NEGR1: variants seen among roughly 807,000 people sequenced by gnomAD.
NEGR1 encodes neuronal growth regulator 1.
In NEGR1, 10 loss-of-function variants were observed where a neutral mutation model predicts 40.9. That is an observed-to-expected ratio of 0.24 (90% confidence interval 0.15 to 0.42). The LOEUF (loss-of-function observed/expected upper bound fraction) is 0.42. NEGR1 is among the 10% of genes least tolerant of loss of function. The probability of loss-of-function intolerance (pLI) is 1.00; values close to 1 mark genes in which losing one functional copy is unlikely to be tolerated. For missense variants in NEGR1, 352 were observed against 438.9 expected (o/e 0.80, Z 1.77); for synonymous variants, 185 against 166.8 (o/e 1.11, Z -0.84).
At chr1:72,219,902 A>G (rs1274229849) in intron 1 of NEGR1, among the ~76,000 whole-genome samples, 1 of 152,102 alleles carries the variant, frequency 6.6e-6, no homozygotes, top group Non-Finnish European at 1.5e-5. Flanking sequence ...AATAGAAAAT[A>G]ATATTAATGG....
intron 1 of NEGR1, among the ~76,000 whole-genome samples, chr1:72,111,093 C>T (rs1005187071): frequency 3.3e-5 from 5 of 150,876 alleles, no homozygotes; most frequent in East Asian, 2.0e-4. Context: ...TATACACACA[C>T]ACACACACAC....
chr1:71,608,979 T>C (rs920338757), intron 5 of NEGR1, among the ~76,000 whole-genome samples: 13 of 152,118 alleles, frequency 8.5e-5, no homozygotes, highest in African/African-American at 3.1e-4. Context: ...TATCAAAATC[T>C]GAGAAAGGCT....
intron 6 of NEGR1, among the ~76,000 whole-genome samples, chr1:71,519,806 G>T (rs1240682770): frequency 6.6e-6 from 1 of 151,200 alleles, no homozygotes; most frequent in Non-Finnish European, 1.5e-5. Context: ...GCACACTGAA[G>T]TCTTAGGCAG....
chr1:71,565,603 C>G (rs1648594335), intron 6 of NEGR1, among the ~76,000 whole-genome samples: 1 of 152,112 alleles, frequency 6.6e-6, no homozygotes, highest in African/African-American at 2.4e-5. Flanking sequence ...CAGAGAGTGC[C>G]AGCTGACTCT....
In NEGR1 at chr1:71,850,133, CTTTT is replaced by C. The variant is rs532348674; in HGVS notation, c.410-73840_410-73837del. Among the ~76,000 whole-genome samples the C allele has an allele frequency of 3.2e-3, 482 of 149,504 alleles. 5 individuals are homozygous for C. The highest frequency in any genetic ancestry group is 0.011 in the African/African-American group (447 of 40,762). On this transcript the variant is annotated intron_variant, in intron 2 of 6. Transcript: ENST00000357731. Reference sequence around the variant, plus strand: ...GTTAAGAACATTTATAATCTACTGTCTTTTTTTGTTTGTTTGTTTGTTTGTTTGT... The same window carrying C: ...GTTAAGAACATTTATAATCTACTGTCTTTGTTTGTTTGTTTGTTTGTTTGT...
rs200459754 is a variant in NEGR1 at position 72,222,430 on chromosome 1, G to GAC, written c.176+59887_176+59888dup. Among the ~76,000 whole-genome samples the GAC allele has an allele frequency of 5.2e-3, 793 of 152,222 alleles. 6 individuals carry two copies. Among genetic ancestry groups the GAC allele is most frequent in the African/African-American group, 0.017 (719 of 41,558 alleles). On this transcript the variant is annotated intron_variant, in intron 1 of 6. Coordinates refer to ENST00000357731, the MANE Select transcript of NEGR1 (RefSeq NM_173808.3). ...AAATCTCTACTTCTTCAGATGCATG[G>GAC]ACACCAACAGCTAGTCACAAAGATT...
At chr1:71,471,473 C>G (rs1461436905) in intron 6 of NEGR1, among the ~76,000 whole-genome samples, 1 of 151,966 alleles carries the variant, frequency 6.6e-6, no homozygotes, top group African/African-American at 2.4e-5. Context: ...TGGTGAAACC[C>G]CATCTCTACT....
chr1:71,783,882 C>T (rs1229533778), intron 2 of NEGR1, among the ~76,000 whole-genome samples: 2 of 146,146 alleles, frequency 1.4e-5, no homozygotes, highest in Non-Finnish European at 3.1e-5. Context: ...ATCCAATAGA[C>T]ATTTATTAAG....
chr1:72,173,825 C>A (rs1166906511), intron 1 of NEGR1, among the ~76,000 whole-genome samples: 2 of 152,056 alleles, frequency 1.3e-5, no homozygotes, highest in Non-Finnish European at 2.9e-5. Context: ...CACCTGTCAT[C>A]CCAGCTACTC....
Position 71,853,177 on chromosome 1 carries a change from C to T in NEGR1, c.410-76880G>A, listed in dbSNP as rs546657945. 8.5e-5 allele frequency among the ~76,000 whole-genome samples: 13 copies of T among 152,062 alleles called. No homozygotes were observed. The South Asian group carries it at 1.4e-3, about 17-fold the overall frequency. ...TTCAGAGCTTGGTAAAGAGTATGCC[C>T]TCAGTGTTTATTGAATTAAATTACA... On this transcript the variant is annotated intron_variant, in intron 2 of 6. Coordinates refer to ENST00000357731, the MANE Select transcript of NEGR1 (RefSeq NM_173808.3).
At chr1:72,170,500 T>C (rs1230931811) in intron 1 of NEGR1, among the ~76,000 whole-genome samples, 1 of 152,174 alleles carries the variant, frequency 6.6e-6, no homozygotes, top group Non-Finnish European at 1.5e-5. Context: ...AAATGGAATC[T>C]GGAATGAGCA....
intron 1 of NEGR1, among the ~76,000 whole-genome samples, chr1:71,941,016 A>C (rs1034149975): frequency 1.3e-5 from 2 of 152,112 alleles, no homozygotes; most frequent in African/African-American, 4.8e-5. Context: ...GCTCCTATTA[A>C]AGGCACCAAT....
At chr1:71,748,882 A>C (rs1458342345) in intron 3 of NEGR1, among the ~76,000 whole-genome samples, 2 of 152,176 alleles carry the variant, frequency 1.3e-5, no homozygotes, top group East Asian at 3.8e-4. Flanking sequence ...GGAACAAAAA[A>C]AAATTAGAGA....
chr1:71,433,423 A>G (rs528864001), intron 6 of NEGR1, among the ~76,000 whole-genome samples: 10 of 152,350 alleles, frequency 6.6e-5, no homozygotes, highest in African/African-American at 2.4e-4. Flanking sequence ...CCAATAAAGA[A>G]GTATGATTCC....
At chr1:71,984,279 A>C (rs1363414549) in intron 1 of NEGR1, among the ~76,000 whole-genome samples, 1 of 118,634 alleles carries the variant, frequency 8.4e-6, no homozygotes. Context: ...TTCTGTTAAA[A>C]TAACTTTTTT....
At chr1:71,674,567 G>T (rs960110008) in intron 4 of NEGR1, among the ~76,000 whole-genome samples, 1 of 144,476 alleles carries the variant, frequency 6.9e-6, no homozygotes, top group Non-Finnish European at 1.5e-5. Context: ...GAAATACTCT[G>T]CAGGCTTTTG....
chr1:71,785,445 T>G (rs968133122), intron 2 of NEGR1, among the ~76,000 whole-genome samples: 1 of 149,752 alleles, frequency 6.7e-6, no homozygotes, highest in Non-Finnish European at 1.5e-5. Context: ...TAATGAGGTT[T>G]TTTTTTTTCC....
At chr1:72,115,502 C>T (rs146486181) in intron 1 of NEGR1, among the ~76,000 whole-genome samples, 2 of 151,654 alleles carry the variant, frequency 1.3e-5, no homozygotes, top group Non-Finnish European at 3.0e-5. Context: ...AACACTAGTG[C>T]CAGTGATTCA....
intron 1 of NEGR1, among the ~76,000 whole-genome samples, chr1:72,129,646 G>C (rs1280386594): frequency 6.6e-6 from 1 of 152,296 alleles, no homozygotes; most frequent in East Asian, 1.9e-4. Flanking sequence ...CAAGTAGGGA[G>C]ATGTTTAGGG....
Sources: gnomAD v4.1 joint callset for allele counts (sites outside exome capture counted in the v4.1 genomes callset) on GRCh38, gnomAD v4.1.1 for gene constraint, MANE v1.5 for transcripts, NCBI Gene and HGNC (gene_info 2026-07-23, HGNC 2026-07-21) for gene names.